The following AGAP1 variants were observed in gnomAD, a reference collection of about 807,000 sequenced individuals.
AGAP1 encodes the protein ArfGAP with GTPase domain, ankyrin repeat and PH domain 1, also known as arf-GAP with GTPase, ANK repeat and PH domain-containing protein 1.
In AGAP1, 29 loss-of-function variants were observed where a neutral mutation model predicts 105.3. The observed-to-expected ratio is 0.28, with a 90% CI of 0.21 to 0.38. The LOEUF (loss-of-function observed/expected upper bound fraction) is 0.38, where lower values mean the gene tolerates loss of function less well. Among genes scored for constraint, AGAP1 ranks in the 10% least tolerant of loss-of-function variants. AGAP1 has a pLI of 1.00. For missense variants in AGAP1, 998 were observed against 1,165.1 expected (o/e 0.86, Z 2.09); for synonymous variants, 509 against 485.9 (o/e 1.05, Z -0.63).
chr2:235,770,405 GATT>G (rs1955345369), intron 6 of AGAP1, among the ~76,000 whole-genome samples: 1 of 151,888 alleles, frequency 6.6e-6, no homozygotes, highest in Non-Finnish European at 1.5e-5. Flanking sequence ...AAAGTGCTGG[GATT>G]ACAGGCGTGA....
At chr2:236,075,855 C>G (rs1272615184) in intron 16 of AGAP1, among the ~76,000 whole-genome samples, 2 of 152,224 alleles carry the variant, frequency 1.3e-5, no homozygotes, top group African/African-American at 4.8e-5. Flanking sequence ...GTGACTCAAT[C>G]TGAAATTTAT....
rs1173016392 is a variant in AGAP1 at position 235,666,488 on chromosome 2, AG to A, written c.164-42690del. On this transcript the variant is annotated intron_variant, in intron 1 of 17. Coordinates refer to ENST00000304032, the MANE Select transcript of AGAP1 (RefSeq NM_001037131.3). Reference sequence around the variant, plus strand: ...GCAATTCTCTGTGACCAGGTTTTTCAGCACCCACAGTTGCACTTGACATGGC... The same window carrying A: ...GCAATTCTCTGTGACCAGGTTTTTCACACCCACAGTTGCACTTGACATGGC... Among the ~76,000 whole-genome samples, 93 of 152,220 alleles carry A rather than the reference AG, an allele frequency of 6.1e-4. 1 individual carries two copies. Among genetic ancestry groups the A allele is most frequent in the East Asian group, 1.9e-4 (1 of 5,184 alleles).
chr2:236,043,719 T>G (rs2057628242), intron 15 of AGAP1, among the ~76,000 whole-genome samples: 2 of 142,594 alleles, frequency 1.4e-5, no homozygotes, highest in African/African-American at 5.4e-5. Context: ...AGATTTCGTC[T>G]CAAGGGAAAA....
In AGAP1 at chr2:236,053,874, A is replaced by G. The variant is rs2057978886; in HGVS notation, c.2114+4593A>G. 6.6e-6 allele frequency among the ~76,000 whole-genome samples: 1 copy of G among 152,258 alleles called. No homozygotes were observed. Among genetic ancestry groups the G allele is most frequent in the African/African-American group, 2.4e-5 (1 of 41,466 alleles). The stretch of plus-strand genomic sequence containing the variant: ...CCTCTTTGATGCCACTTGGAAGGGA[A>G]CCGAGTTTGCTGATTTAGTACGTAT... On this transcript the variant is annotated intron_variant, in intron 16 of 17. Transcript: ENST00000304032. This position sits in a 1 kb window ranked among gnomAD's most constrained non-coding sequence, Gnocchi z 4.6.
At position 236,116,496 on chromosome 2, in the gene AGAP1, C is replaced by T. The variant is rs1190745978; in HGVS notation, c.2115-3696C>T. ...TCCTGAGTAGCTGGGATTACAGGCA[C>T]CTGCCACCACACCGGCTAATTTTTG... On this transcript the variant is annotated intron_variant, in intron 16 of 17. Coordinates refer to ENST00000304032, the MANE Select transcript of AGAP1 (RefSeq NM_001037131.3). Among the ~76,000 whole-genome samples the T allele has an allele frequency of 5.3e-5, 8 of 151,900 alleles. No homozygotes were observed. In the East Asian group the frequency reaches 9.7e-4, roughly 18 times the overall value.
intron 3 of AGAP1, among the ~76,000 whole-genome samples, chr2:235,727,041 A>G (rs1298997135): frequency 5.9e-5 from 9 of 152,144 alleles, no homozygotes; most frequent in African/African-American, 2.2e-4. Context: ...GTGAGGAGGG[A>G]AAGGTGAGGA....
intron 9 of AGAP1, among the ~76,000 whole-genome samples, chr2:235,817,033 A>G (rs1438919061): frequency 1.3e-5 from 2 of 152,026 alleles, no homozygotes; most frequent in African/African-American, 4.8e-5. Context: ...GTGGAATAGG[A>G]CTTCTCCCAA....
intron 7 of AGAP1, 84 bp downstream of exon 7, chr2:235,797,970 T>G: frequency 6.7e-7 from 1 of 1,501,464 alleles, no homozygotes; most frequent in Non-Finnish European, 9.0e-7. Context: ...TAAGGTTGAT[T>G]TTTTTTTTCT....
chr2:235,879,363 T>TG lies in AGAP1; in HGVS notation c.1051-3975dup, dbSNP rs973500279. On this transcript the variant is annotated intron_variant, in intron 9 of 17. Transcript: ENST00000304032. The surrounding 1 kb of genome is among the most constrained non-coding windows in gnomAD (Gnocchi z 5.0). ...GGCTCTTGGTCGCCACAGCAATTCT[T>TG]GGGGGGGTCAGATAATAAACCCAAC... is the stretch of plus-strand genomic sequence containing the variant. 1.6e-4 allele frequency among the ~76,000 whole-genome samples: 25 copies of TG among 152,152 alleles called. No individual in the cohort carries two copies. Among genetic ancestry groups the TG allele is most frequent in the African/African-American group, 3.1e-4 (13 of 41,534 alleles).
chr2:235,597,587 A>G (rs140072121), intron 1 of AGAP1, among the ~76,000 whole-genome samples: 12 of 152,280 alleles, frequency 7.9e-5, no homozygotes, highest in African/African-American at 2.9e-4. Flanking sequence ...AATTGATACT[A>G]TTATTATTTT....
chr2:235,598,886 A>G (rs1002824359), intron 1 of AGAP1, among the ~76,000 whole-genome samples: 3 of 152,174 alleles, frequency 2.0e-5, no homozygotes, highest in Admixed American at 6.5e-5. Flanking sequence ...TAAAAAGCAC[A>G]TGAGAAATGA....
intron 9 of AGAP1, among the ~76,000 whole-genome samples, chr2:235,815,807 G>A (rs982378702): frequency 1.3e-5 from 2 of 152,220 alleles, no homozygotes; most frequent in African/African-American, 4.8e-5. Context: ...TTTGAAATAA[G>A]ACTGTTGCTG....
At chr2:235,822,497 A>G (rs1272963318) in intron 9 of AGAP1, among the ~76,000 whole-genome samples, 1 of 150,644 alleles carries the variant, frequency 6.6e-6, no homozygotes, top group East Asian at 2.0e-4. Flanking sequence ...GAAGCTCAAG[A>G]ATGAAGAGAA....
At chr2:235,802,911 G>A (rs1230022060) in intron 8 of AGAP1, among the ~76,000 whole-genome samples, 1 of 38,980 alleles carries the variant, frequency 2.6e-5, no homozygotes, top group Non-Finnish European at 5.6e-5. Flanking sequence ...TTGTGATGGT[G>A]TGATGGTTGT....
Position 235,569,632 on chromosome 2 carries a change from G to T in AGAP1, c.163+74783G>T, listed in dbSNP as rs1420845733. Among the ~76,000 whole-genome samples, 1 of 152,198 alleles carries T rather than the reference G, an allele frequency of 6.6e-6. No homozygotes were observed. Among genetic ancestry groups the T allele is most frequent in the Non-Finnish European group, 1.5e-5 (1 of 68,036 alleles). ...GGATTCGAAGGACATCCCTGGAGGG[G>T]CTGTGCCCAGGTAGGGTGTGTTCAC... On this transcript the variant is annotated intron_variant, in intron 1 of 17. Coordinates refer to ENST00000304032, the MANE Select transcript of AGAP1 (RefSeq NM_001037131.3). This position sits in a 1 kb window ranked among gnomAD's most constrained non-coding sequence, Gnocchi z 5.9.
chr2:235,532,481 C>T (rs1258297389), intron 1 of AGAP1, among the ~76,000 whole-genome samples: 1 of 152,212 alleles, frequency 6.6e-6, no homozygotes, highest in Non-Finnish European at 1.5e-5. Context: ...GCTAGGATTA[C>T]AGGTGTGAGC....
In AGAP1 at chr2:235,750,164, A is replaced by G. The variant is rs1348236147; in HGVS notation, c.539-190A>G. 6.6e-6 allele frequency among the ~76,000 whole-genome samples: 1 copy of G among 152,244 alleles called. No individual in the cohort carries two copies. The highest frequency in any genetic ancestry group is 1.5e-5 in the Non-Finnish European group (1 of 68,046). On this transcript the variant is annotated intron_variant, in intron 5 of 17. Coordinates refer to ENST00000304032, the MANE Select transcript of AGAP1 (RefSeq NM_001037131.3). This position sits in a 1 kb window ranked among gnomAD's most constrained non-coding sequence, Gnocchi z 5.3. Reference sequence around the variant, plus strand: ...AAGCGCTCCTGTAAAACAAATATCTACGAATGAATAACTTTCTCTTGTGTT... The same window carrying G: ...AAGCGCTCCTGTAAAACAAATATCTGCGAATGAATAACTTTCTCTTGTGTT...
chr2:235,628,019 G>A (rs1946698171), intron 1 of AGAP1, among the ~76,000 whole-genome samples: 1 of 152,174 alleles, frequency 6.6e-6, no homozygotes, highest in African/African-American at 2.4e-5. Context: ...CTGACACAGG[G>A]AGAGGGTCTG....
chr2:235,710,312 A>G (rs971752597), intron 2 of AGAP1, among the ~76,000 whole-genome samples: 7 of 152,182 alleles, frequency 4.6e-5, no homozygotes, highest in African/African-American at 1.7e-4. Flanking sequence ...CTTTGAAGAG[A>G]CTTTTGTCAC....
Sources: allele counts gnomAD v4.1 joint callset (sites outside exome capture counted in the v4.1 genomes callset), GRCh38; gene constraint gnomAD v4.1.1; non-coding constraint Gnocchi (gnomAD v3.1); transcripts MANE v1.5; gene names NCBI Gene and HGNC (gene_info 2026-07-23, HGNC 2026-07-21).